The following UGT1A9 variants were observed in gnomAD, a reference collection of about 807,000 sequenced individuals.
The protein encoded by UGT1A9 is UDP-glucuronosyltransferase 1A9.
UGT1A9 carries 35 observed loss-of-function variants against 45.0 expected under a neutral mutation model. The ratio of observed to expected loss-of-function variants is 0.78; its 90% CI spans 0.59 to 1.03. The LOEUF (loss-of-function observed/expected upper bound fraction) is 1.03. Among genes scored for constraint, UGT1A9 ranks in the 50% least tolerant of loss-of-function variants. The probability of loss-of-function intolerance (pLI) is 0.00; values close to 1 mark genes in which losing one functional copy is unlikely to be tolerated. For missense variants in UGT1A9, 687 were observed against 666.6 expected (o/e 1.03, Z -0.34); for synonymous variants, 278 against 250.6 (o/e 1.11, Z -1.03).
chr2:233,757,975 AG>A (rs1275184498), intron 1 of UGT1A9, among the ~76,000 whole-genome samples: 1 of 152,126 alleles, frequency 6.6e-6, no homozygotes, highest in Non-Finnish European at 1.5e-5. Flanking sequence ...CTCAGCCCCT[AG>A]AGCACCATCC....
At chr2:233,679,429 G>C (rs1330863853) in intron 1 of UGT1A9, among the ~76,000 whole-genome samples, 1 of 152,196 alleles carries the variant, frequency 6.6e-6, no homozygotes, top group Non-Finnish European at 1.5e-5. Flanking sequence ...GATGAGGGCA[G>C]TCCTGACTGT....
chr2:233,747,437 C>A, intron 1 of UGT1A9: 2 of 1,608,846 alleles, frequency 1.2e-6, no homozygotes, highest in Non-Finnish European at 1.7e-6. Flanking sequence ...AGAAATTTTT[C>A]ACCCTGACAA....
chr2:233,770,703 G>C (rs1283135440), intron 4 of UGT1A9: 2 of 151,540 alleles, frequency 1.3e-5, no homozygotes, highest in African/African-American at 4.8e-5. Flanking sequence ...TCATCTTAAG[G>C]TTTATGTAAA....
intron 1 of UGT1A9, among the ~76,000 whole-genome samples, chr2:233,756,569 C>G (rs1206188588): frequency 6.6e-6 from 1 of 152,130 alleles, no homozygotes; most frequent in Non-Finnish European, 1.5e-5. Flanking sequence ...TCCTCTCAGA[C>G]AAAAGGAAAT....
chr2:233,723,542 A>ATTTTTTTTTTTTTT (rs2077098328), intron 1 of UGT1A9, among the ~76,000 whole-genome samples: 1 of 74,520 alleles, frequency 1.3e-5, no homozygotes. Flanking sequence ...TTTTTAATTT[A>ATTTTTTTTTTTTTT]TTTTTTTATT....
Position 233,768,229 on chromosome 2 carries a change from T to C in UGT1A9, c.1085T>C (p.Met362Thr), listed in dbSNP as rs371224646. ...CTATTTTGCATCTCAGGTCACCCGATGACCCGTGCCTTTATCACCCATGCT... is the reference window on the plus strand; with the variant it reads ...CTATTTTGCATCTCAGGTCACCCGACGACCCGTGCCTTTATCACCCATGCT... Reference protein sequence around the residue: ...LPQNDLLGHPMTRAFITHAGS... With the variant: ...LPQNDLLGHPTTRAFITHAGS... Residue 362 changes from methionine to threonine, a missense_variant, in exon 4 of 5, where the codon ATG (methionine) becomes ACG (threonine). Coordinates refer to ENST00000354728, the MANE Select transcript of UGT1A9 (RefSeq NM_021027.3). 3.1e-6 allele frequency: 5 copies of C among 1,614,112 alleles called. No homozygotes were observed. The highest frequency in any genetic ancestry group is 4.2e-6 in the Non-Finnish European group (5 of 1,180,052).
chr2:233,685,060 G>T (rs13002774), intron 1 of UGT1A9, among the ~76,000 whole-genome samples: 1 of 151,894 alleles, frequency 6.6e-6, no homozygotes, highest in Admixed American at 6.6e-5. Context: ...CTTAAGCTCT[G>T]CACAGGAGAT....
intron 1 of UGT1A9, among the ~76,000 whole-genome samples, chr2:233,749,604 A>G (rs7556676): frequency 0.45 from 68,782 of 151,558 alleles, 16,251 homozygotes; most frequent in South Asian, 0.58. Flanking sequence ...GTCACACTAG[A>G]TTTATCATGA....
chr2:233,769,044 C>T lies in UGT1A9; in HGVS notation c.1295+605C>T, dbSNP rs1247244577. ...AAGTTGCCATAATAGACATCTGATC[C>T]ATAAGTTTCCTGCACAGAAAGAAAT... On this transcript the variant is annotated intron_variant, in intron 4 of 4. Coordinates refer to ENST00000354728, the MANE Select transcript of UGT1A9 (RefSeq NM_021027.3). The surrounding 1 kb of genome is among the most constrained non-coding windows in gnomAD (Gnocchi z 4.4). Among the ~76,000 whole-genome samples the T allele has an allele frequency of 6.6e-6, 1 of 152,006 alleles. No individual in the cohort carries two copies. The highest frequency in any genetic ancestry group is 1.5e-5 in the Non-Finnish European group (1 of 68,012).
Position 233,693,985 on chromosome 2 carries a change from A to T in UGT1A9, c.855+21196A>T. On this transcript the variant is annotated intron_variant, in intron 1 of 4. Coordinates refer to ENST00000354728, the MANE Select transcript of UGT1A9 (RefSeq NM_021027.3). Reference sequence around the variant, plus strand: ...ATTTCCTGGAGAAACGGTGGGGGGAAGTGATACCCGGCTCGGAGCAGCGGG... The same window carrying T: ...ATTTCCTGGAGAAACGGTGGGGGGATGTGATACCCGGCTCGGAGCAGCGGG... 3 of 1,547,250 alleles carry T rather than the reference A, an allele frequency of 1.9e-6. No individual in the cohort carries two copies. The Admixed American group carries it at 5.6e-5, about 29-fold the overall frequency.
chr2:233,772,643 T>C lies in UGT1A9; in HGVS notation c.*84T>C, dbSNP rs78684540. ...AAAACAGAATCAGTGTTAAATTCAT[T>C]TTATTCTTATTAAGGAAATACTTTG... is the stretch of plus-strand genomic sequence containing the variant. On this transcript the variant is annotated 3_prime_UTR_variant, in exon 5 of 5. Transcript: ENST00000354728. The C allele has an allele frequency of 4.5e-5, 70 of 1,550,640 alleles. No homozygotes were observed. The East Asian group carries it at 1.3e-3, about 28-fold the overall frequency.
intron 1 of UGT1A9, among the ~76,000 whole-genome samples, chr2:233,744,630 C>T (rs1387499679): frequency 6.6e-6 from 1 of 151,854 alleles, no homozygotes. Context: ...GAGGTGGATT[C>T]TCATGTCAGC....
chr2:233,724,376 G>T (rs1373227000), intron 1 of UGT1A9, among the ~76,000 whole-genome samples: 1 of 128,002 alleles, frequency 7.8e-6, no homozygotes, highest in African/African-American at 3.0e-5. Context: ...GGTGGCTGCC[G>T]GGCGGAGACG....
At position 233,757,048 on chromosome 2, in the gene UGT1A9, T is replaced by C. The variant is rs536754863; in HGVS notation, c.856-9986T>C. On this transcript the variant is annotated intron_variant, in intron 1 of 4. Transcript: ENST00000354728. ...CAATTTGAGAACATCAAAGGAAGTT[T>C]GGGGAACAGCAAGGGATCCAGAATG... is the stretch of plus-strand genomic sequence containing the variant. Among the ~76,000 whole-genome samples, 5 of 151,546 alleles carry C rather than the reference T, an allele frequency of 3.3e-5. No individual in the cohort carries two copies. In the South Asian group the frequency reaches 1.0e-3, roughly 32 times the overall value.
At chr2:233,760,403 A>T (rs2125983562) in intron 1 of UGT1A9, 1 of 1,614,240 alleles carries the variant, frequency 6.2e-7, no homozygotes, top group Non-Finnish European at 8.5e-7. Flanking sequence ...GATGGCAGCC[A>T]CTGGCTGAGC....
chr2:233,760,995 A>G (rs777512835), intron 1 of UGT1A9: 2 of 1,614,138 alleles, frequency 1.2e-6, no homozygotes, highest in Non-Finnish European at 1.7e-6. Context: ...TTGCCTCAGA[A>G]TTCCTTCAGA....
intron 1 of UGT1A9, among the ~76,000 whole-genome samples, chr2:233,731,794 A>G (rs1329897659): frequency 6.6e-6 from 1 of 152,192 alleles, no homozygotes; most frequent in African/African-American, 2.4e-5. Context: ...GTTTGGGTAT[A>G]TACCCAGTAA....
rs199688431 is a variant in UGT1A9 at position 233,719,254 on chromosome 2, C to T, written c.855+46465C>T. ...CTGATCAGGCACCTGAATGCTACTTCCTTTGATGTGGTTTTAACAGACCCC... is the reference window on the plus strand; with the variant it reads ...CTGATCAGGCACCTGAATGCTACTTTCTTTGATGTGGTTTTAACAGACCCC... On this transcript the variant is annotated intron_variant, in intron 1 of 4. Transcript: ENST00000354728. 4.6e-5 allele frequency: 75 copies of T among 1,614,048 alleles called. No homozygotes were observed. The Middle Eastern group carries it at 2.5e-3, about 53-fold the overall frequency.
chr2:233,761,274 T>A, intron 1 of UGT1A9: 3 of 1,580,366 alleles, frequency 1.9e-6, no homozygotes, highest in Non-Finnish European at 2.6e-6. Flanking sequence ...TGCCCTCTTT[T>A]GTTAATTTTT....
Sources: allele counts gnomAD v4.1 joint callset (sites outside exome capture counted in the v4.1 genomes callset), GRCh38; gene constraint gnomAD v4.1.1; non-coding constraint Gnocchi (gnomAD v3.1); transcripts MANE v1.5; gene names NCBI Gene and HGNC (gene_info 2026-07-23, HGNC 2026-07-21).